The following DEF6 variants were observed in gnomAD, a reference collection of about 807,000 sequenced individuals.
DEF6 encodes DEF6 guanine nucleotide exchange factor.
A neutral mutation model predicts 80.5 loss-of-function variants in DEF6; 32 were observed. The ratio of observed to expected loss-of-function variants is 0.40; its 90% CI spans 0.30 to 0.53. The LOEUF (loss-of-function observed/expected upper bound fraction) is 0.53. Among genes scored for constraint, DEF6 ranks in the 20% least tolerant of loss-of-function variants. The probability of loss-of-function intolerance (pLI) is 0.57; values close to 1 mark genes in which losing one functional copy is unlikely to be tolerated. For synonymous variants in DEF6, 300 were observed against 337.9 expected, an observed-to-expected ratio of 0.89 and a Z score of 1.23; for missense variants, 575 against 818.7, an observed-to-expected ratio of 0.70 and a Z score of 3.63.
At chr6:35,301,069 T>C (rs1272125678) in intron 1 of DEF6, among the ~76,000 whole-genome samples, 1 of 152,108 alleles carries the variant, frequency 6.6e-6, no homozygotes, top group Non-Finnish European at 1.5e-5. Flanking sequence ...GACAGGGGCC[T>C]TCCAGTCTCC....
At position 35,298,891 on chromosome 6, in the gene DEF6, G is replaced by A. The variant is rs1425328396; in HGVS notation, c.96+939G>A. ...AGGCTCTGTGCCTGGCATGTGGCTAGGCACTAAACTGGTGTCTCCCTGCCC... is the reference window on the plus strand; with the variant it reads ...AGGCTCTGTGCCTGGCATGTGGCTAAGCACTAAACTGGTGTCTCCCTGCCC... On this transcript the variant is annotated intron_variant, in intron 1 of 10. Transcript: ENST00000316637. 8.3e-4 allele frequency among the ~76,000 whole-genome samples: 127 copies of A among 152,124 alleles called. 1 individual carries two copies. The highest frequency in any genetic ancestry group is 1.6e-4 in the Non-Finnish European group (11 of 68,002).
chr6:35,310,224 G>C (rs1791445501), intron 2 of DEF6, among the ~76,000 whole-genome samples: 1 of 152,176 alleles, frequency 6.6e-6, no homozygotes. Context: ...TGGGCTGAAA[G>C]ACTAGAGTTA....
chr6:35,311,704 C>T (rs947994015), intron 3 of DEF6, among the ~76,000 whole-genome samples: 3 of 152,190 alleles, frequency 2.0e-5, no homozygotes, highest in Non-Finnish European at 4.4e-5. Flanking sequence ...CCACCACTTC[C>T]GGTTCCTCTG....
At position 35,297,922 on chromosome 6, in the gene DEF6, G is replaced by T; in HGVS notation, c.66G>T (p.Lys22Asn). The T allele has an allele frequency of 6.2e-7, 1 of 1,606,624 alleles. No homozygotes were observed. The change falls in exon 1 of 11, where the codon AAG becomes AAT. Residue 22 changes from lysine to asparagine, a missense_variant. By Grantham distance (94) the Lys-to-Asn change is moderately conservative. Transcript: ENST00000316637. ...CCTTTACCGCGCTGGACGTGGAGAA[G>T]AGTGGCAAAGTCTCCAAGTCCCAGC... The part of the protein sequence containing the change: ...WYAFTALDVE[K>N]SGKVSKSQLK...
chr6:35,310,599 C>T lies in DEF6; in HGVS notation c.378C>T (p.Asn126=). ...CCTTCCGCCTCTGGTGCCTCTTCAA[C>T]TTCCTGTCTGAGGACAAGTACCCTC... The part of the protein sequence containing the change: ...QDAFRLWCLF[N]FLSEDKYPLI... The change falls in exon 3 of 11, where the codon AAC becomes AAT. Residue 126 remains asparagine (N), a synonymous_variant. Coordinates refer to ENST00000316637, the MANE Select transcript of DEF6 (RefSeq NM_022047.4). 2 of 1,614,194 alleles carry T rather than the reference C, an allele frequency of 1.2e-6. No homozygotes were observed. Among genetic ancestry groups the T allele is most frequent in the Non-Finnish European group, 1.7e-6 (2 of 1,180,034 alleles).
rs531031369 is a variant in DEF6, at chr6:35,312,586, G to C, written c.661-40G>C. 6.2e-7 allele frequency: 1 copy of C among 1,614,138 alleles called. No homozygotes were observed. The highest frequency in any genetic ancestry group is 1.1e-5 in the South Asian group (1 of 91,076). ...GGAAGCACACAAGGTGCAGGGCGAA[G>C]GGGGGCCTGGGAAGCCTCTGACGTA... On this transcript the variant is annotated intron_variant, in intron 4 of 10. Coordinates refer to ENST00000316637, the MANE Select transcript of DEF6 (RefSeq NM_022047.4). This position sits in a 1 kb window ranked among gnomAD's most constrained non-coding sequence, Gnocchi z 6.6.
Position 35,321,454 on chromosome 6 carries a change from A to G in DEF6, c.*44A>G. 4 of 1,565,528 alleles carry G rather than the reference A, an allele frequency of 2.6e-6. No individual in the cohort carries two copies. Among genetic ancestry groups the G allele is most frequent in the Non-Finnish European group, 3.5e-6 (4 of 1,142,558 alleles). ...TCTTCCCAATGTCATATCCACCAGGACCTGGCCACAGCTGGCCTGTGGGTG... is the reference window on the plus strand; with the variant it reads ...TCTTCCCAATGTCATATCCACCAGGGCCTGGCCACAGCTGGCCTGTGGGTG... On this transcript the variant is annotated 3_prime_UTR_variant, in exon 11 of 11. Coordinates refer to ENST00000316637, the MANE Select transcript of DEF6 (RefSeq NM_022047.4).
At position 35,312,281 on chromosome 6, in the gene DEF6, G is replaced by A. The variant is rs1345928985; in HGVS notation, c.424-21G>A. The A allele has an allele frequency of 2.5e-6, 4 of 1,605,346 alleles. No homozygotes were observed. Among genetic ancestry groups the A allele is most frequent in the Non-Finnish European group, 3.4e-6 (4 of 1,173,230 alleles). On this transcript the variant is annotated intron_variant, in intron 3 of 10. Transcript: ENST00000316637. This position sits in a 1 kb window ranked among gnomAD's most constrained non-coding sequence, Gnocchi z 6.6. ...CAACACCACCTGCTGCAGCTACCAG[G>A]CCTTCCTTCTCCTGCTCCAGGTGGA...
intron 1 of DEF6, among the ~76,000 whole-genome samples, chr6:35,304,099 C>G (rs1791360216): frequency 6.6e-6 from 1 of 152,158 alleles, no homozygotes; most frequent in Non-Finnish European, 1.5e-5. Context: ...CACCATTGCA[C>G]TCCAGCCTGG....
At position 35,312,836 on chromosome 6, in the gene DEF6, G is replaced by A; in HGVS notation, c.807+64G>A. ...CAGAGTGTCCTCAGGGGCATGAGAA[G>A]ACAAGGGGGTCAGGAGAGGGGCAAA... On this transcript the variant is annotated intron_variant, in intron 5 of 10. Transcript: ENST00000316637. The surrounding 1 kb of genome is among the most constrained non-coding windows in gnomAD (Gnocchi z 6.6). The A allele has an allele frequency of 6.6e-7, 1 of 1,509,106 alleles. No homozygotes were observed. 93.5% of individuals were successfully genotyped at this position (1,509,106 alleles called of 1,614,324 possible). A position where few individuals can be genotyped will look rare whatever the true frequency, so the allele number is the denominator to read the frequency against.
rs562862836 is a variant in DEF6, at chr6:35,305,484, C to T, written c.97-4186C>T. ...CAGCTTAGGCAACAGAGTGAGACCC[C>T]GTCTCTAAATAAATAAACAAAAATA... On this transcript the variant is annotated intron_variant, in intron 1 of 10. Transcript: ENST00000316637. Among the ~76,000 whole-genome samples, 209 of 151,802 alleles carry T rather than the reference C, an allele frequency of 1.4e-3. 4 individuals carry two copies. Among genetic ancestry groups the T allele is most frequent in the South Asian group, 8.6e-3 (41 of 4,792 alleles).
At position 35,318,220 on chromosome 6, in the gene DEF6, C is replaced by T; in HGVS notation, c.964C>T (p.His322Tyr). The change falls in exon 7 of 11, where the codon CAC (histidine) becomes TAC (tyrosine). Residue 322 changes from histidine to tyrosine, a missense_variant. Coordinates refer to ENST00000316637, the MANE Select transcript of DEF6 (RefSeq NM_022047.4). The surrounding 1 kb of genome is among the most constrained non-coding windows in gnomAD (Gnocchi z 5.1). ...GCAGGCCGAGGGGAAGACGTCCCTACACAAGGACCTGAAGCAGAAACGGCG... is the reference window on the plus strand; with the variant it reads ...GCAGGCCGAGGGGAAGACGTCCCTATACAAGGACCTGAAGCAGAAACGGCG... Reference protein sequence around the residue: ...RLQAEGKTSLHKDLKQKRREQ... With the variant: ...RLQAEGKTSLYKDLKQKRREQ... 2 of 1,597,148 alleles carry T rather than the reference C, an allele frequency of 1.3e-6. No homozygotes were observed. The highest frequency in any genetic ancestry group is 1.7e-6 in the Non-Finnish European group (2 of 1,172,864).
At chr6:35,299,245 G>T (rs139272447) in intron 1 of DEF6, among the ~76,000 whole-genome samples, 2 of 152,258 alleles carry the variant, frequency 1.3e-5, no homozygotes, top group Non-Finnish European at 2.9e-5. Context: ...TTGTATTGCA[G>T]ATCATGTCAT....
At chr6:35,313,613 C>A (rs533513704) in intron 5 of DEF6, among the ~76,000 whole-genome samples, 89 of 152,286 alleles carry the variant, frequency 5.8e-4, no homozygotes, top group African/African-American at 2.0e-3. Flanking sequence ...GTCCTCCCCC[C>A]ACACTTCCTG....
In DEF6 at chr6:35,319,428, C is replaced by T; in HGVS notation, c.1216-96C>T. On this transcript the variant is annotated intron_variant, in intron 7 of 10. Transcript: ENST00000316637. The surrounding 1 kb of genome is among the most constrained non-coding windows in gnomAD (Gnocchi z 4.5). The stretch of plus-strand genomic sequence containing the variant: ...ATGAAGGAGTTCCCCAGACCCTCAC[C>T]CCTAGGCAGCTTAGCAACATGCCCA... 1 of 908,024 alleles carries T rather than the reference C, an allele frequency of 1.1e-6. No individual in the cohort carries two copies. 56.2% of individuals were successfully genotyped at this position (908,024 alleles called of 1,614,324 possible). A position where few individuals can be genotyped will look rare whatever the true frequency, so the allele number is the denominator to read the frequency against.
rs1267841241 is a variant in DEF6, at chr6:35,319,848, A to C, written c.1412A>C (p.Lys471Thr). ...RLLEEEEEKL[K>T]QLMQLKEEQE... ...CTGGAAGAGGAGGAAGAGAAGCTGA[A>C]GCAGTTGATGCAGCTGAAGGAGGAG... The change falls in exon 9 of 11, where the codon AAG (lysine) becomes ACG (threonine). Residue 471 changes from lysine (K) to threonine (T), a missense_variant. By Grantham distance (78) the Lys-to-Thr change is moderately conservative. Coordinates refer to ENST00000316637, the MANE Select transcript of DEF6 (RefSeq NM_022047.4). The surrounding 1 kb of genome is among the most constrained non-coding windows in gnomAD (Gnocchi z 4.5). 1 of 1,591,464 alleles carries C rather than the reference A, an allele frequency of 6.3e-7. No homozygotes were observed. Among genetic ancestry groups the C allele is most frequent in the South Asian group, 1.1e-5 (1 of 88,158 alleles).
chr6:35,311,225 C>G (rs1337413820), intron 3 of DEF6, among the ~76,000 whole-genome samples: 1 of 152,128 alleles, frequency 6.6e-6, no homozygotes, highest in Non-Finnish European at 1.5e-5. Flanking sequence ...TCCCATCCAC[C>G]TGTACCCTCC....
At position 35,318,131 on chromosome 6, in the gene DEF6, C is replaced by A. The variant is rs1326388480; in HGVS notation, c.917-42C>A. 12 of 1,531,948 alleles carry A rather than the reference C, an allele frequency of 7.8e-6. No homozygotes were observed. Among genetic ancestry groups the A allele is most frequent in the Middle Eastern group, 1.8e-4 (1 of 5,642 alleles). 94.9% of individuals were successfully genotyped at this position (1,531,948 alleles called of 1,614,324 possible). On this transcript the variant is annotated intron_variant, in intron 6 of 10. Transcript: ENST00000316637. The surrounding 1 kb of genome is among the most constrained non-coding windows in gnomAD (Gnocchi z 5.1). ...GAAACTCCTAAGGCCCCTTTCGGGC[C>A]GTGTGCGAGGATCCTACTGACCCGC...
intron 1 of DEF6, among the ~76,000 whole-genome samples, chr6:35,307,515 CTT>C (rs1158049338): frequency 6.6e-6 from 1 of 152,220 alleles, no homozygotes; most frequent in Non-Finnish European, 1.5e-5. Flanking sequence ...GCATTATTCT[CTT>C]GAGGTGGTCA....
Sources: allele counts gnomAD v4.1 joint callset (sites outside exome capture counted in the v4.1 genomes callset), GRCh38; gene constraint gnomAD v4.1.1; non-coding constraint Gnocchi (gnomAD v3.1); transcripts MANE v1.5; gene names NCBI Gene and HGNC (gene_info 2026-07-23, HGNC 2026-07-21).